Variants in EQTN observed in about 807,000 individuals in gnomAD.
EQTN encodes equatorin, also known as Acrosome formation associated factor.
A neutral mutation model predicts 26.9 loss-of-function variants in EQTN; 29 were observed. The ratio of observed to expected loss-of-function variants is 1.08; its 90% confidence interval spans 0.80 to 1.47. EQTN has a LOEUF of 1.47. EQTN is among the 40% of genes most tolerant of loss of function. The pLI, the probability that EQTN is intolerant of heterozygous loss-of-function variation, is 0.00. For missense variants in EQTN, 391 were observed against 346.1 expected, an observed-to-expected ratio of 1.13 and a Z score of -1.03; for synonymous variants, 129 against 120.0, an observed-to-expected ratio of 1.07 and a Z score of -0.49.
intron 2 of EQTN, 130 bp from the exon 3 acceptor site, chr9:27,294,532 T>A: frequency 2.2e-6 from 1 of 447,244 alleles, no homozygotes; most frequent in South Asian, 6.7e-5. Context: ...ATAGTCATTT[T>A]TTTTTCATCT....
intron 1 of EQTN, 109 bp from the exon 2 acceptor site, chr9:27,296,847 ATC>A: frequency 6.4e-7 from 1 of 1,560,158 alleles, no homozygotes; most frequent in Middle Eastern, 1.8e-4. Flanking sequence ...GAGATTTAAA[ATC>A]TAAAACATAC....
chr9:27,286,217 C>G lies in EQTN; in HGVS notation c.627G>C (p.Arg209Ser), dbSNP rs781656844. ...AFCSATLYKL[R>S]HLSYKSCESQ... ...GAGGTCTGCAGACTTACCTCAGATG[C>G]CTCAGTTTGTACAGTGTAGCACTAC... Residue 209 changes from arginine to serine, a missense_variant, in exon 7 of 8, where the codon AGG becomes AGC. By Grantham distance (110) the Arg-to-Ser change is moderately radical (BLOSUM62 -1). Transcript: ENST00000380032. 1.2e-6 allele frequency: 2 copies of G among 1,613,672 alleles called. No individual in the cohort carries two copies. Among genetic ancestry groups the G allele is most frequent in the Non-Finnish European group, 1.7e-6 (2 of 1,179,786 alleles).
rs554725081 is a variant in EQTN at position 27,289,551 on chromosome 9, T to C, written c.481+121A>G. 4.1e-5 allele frequency: 27 copies of C among 655,980 alleles called. 1 individual carries two copies. The South Asian group carries it at 6.9e-4, about 17-fold the overall frequency. The allele number at this position is 655,980 out of a possible 1,614,324, so 40.6% of individuals were successfully genotyped here. A position where few individuals can be genotyped will look rare whatever the true frequency, so the allele number is the denominator to read the frequency against. On this transcript the variant is annotated intron_variant, in intron 6 of 7. Transcript: ENST00000380032. ...TTTTGTAGAGAAAAGGTTTTTGTCA[T>C]GTTGCCCAGGCTGGTCTCGAACTCC...
chr9:27,287,353 A>G (rs1258193719), intron 6 of EQTN, among the ~76,000 whole-genome samples: 1 of 152,240 alleles, frequency 6.6e-6, no homozygotes, highest in Non-Finnish European at 1.5e-5. Flanking sequence ...TTTGGGAATA[A>G]TTAAACAAAT....
intron 3 of EQTN, among the ~76,000 whole-genome samples, chr9:27,292,908 T>C (rs13292423): frequency 0.061 from 9,233 of 152,196 alleles, 293 homozygotes; most frequent in Non-Finnish European, 0.076. Context: ...ATTAAGTGTG[T>C]TTGTAAATTG....
At chr9:27,295,220 C>T (rs1320160947) in intron 2 of EQTN, among the ~76,000 whole-genome samples, 2 of 152,078 alleles carry the variant, frequency 1.3e-5, no homozygotes, top group Non-Finnish European at 2.9e-5. Context: ...AAAAACGGTA[C>T]CATTAATATT....
intron 2 of EQTN, among the ~76,000 whole-genome samples, chr9:27,295,275 A>G (rs941533820): frequency 1.3e-5 from 2 of 152,168 alleles, no homozygotes; most frequent in Non-Finnish European, 2.9e-5. Context: ...TGGAAAAATA[A>G]AACAAAGTCA....
At position 27,284,787 on chromosome 9, in the gene EQTN, G is replaced by T. The variant is rs41305329; in HGVS notation, c.821C>A (p.Thr274Lys). ...ATCTGAGCCTATGGAAATGATATCC[G>T]TCATTATCTTAGATTCTGATGTTCT... ...GTRTSESKIM[T>K]DIISIGSDNE... is the part of the protein sequence containing the mutation. Residue 274 changes from threonine to lysine, a missense_variant, in exon 8 of 8, where the codon ACG becomes AAG. By Grantham distance (78) the Thr-to-Lys change is moderately conservative. Transcript: ENST00000380032. 37,040 of 1,613,872 alleles carry T rather than the reference G, an allele frequency of 0.023. 719 individuals carry two copies. Among genetic ancestry groups the T allele is most frequent in the East Asian group, 0.032 (1,454 of 44,852 alleles).
At chr9:27,289,369 G>A (rs1820182390) in intron 6 of EQTN, among the ~76,000 whole-genome samples, 3 of 152,120 alleles carry the variant, frequency 2.0e-5, no homozygotes, top group African/African-American at 7.2e-5. Context: ...GACTTCACTA[G>A]GAAAAATATT....
intron 6 of EQTN, among the ~76,000 whole-genome samples, chr9:27,288,844 G>C (rs537185629): frequency 6.6e-6 from 1 of 152,268 alleles, no homozygotes; most frequent in South Asian, 2.1e-4. Context: ...GGTTTTCAGG[G>C]GTTCAGGAGG....
chr9:27,289,260 G>C (rs1459807239), intron 6 of EQTN, among the ~76,000 whole-genome samples: 1 of 152,148 alleles, frequency 6.6e-6, no homozygotes, highest in Admixed American at 6.5e-5. Flanking sequence ...GGTGGTAATG[G>C]TCATGTGGGA....
rs145758218 is a variant in EQTN, at chr9:27,284,886, G to A, written c.722C>T (p.Thr241Ile). Reference sequence around the variant, plus strand: ...GCTCTCTGCACTCTTGGAAAAGGATGTATCTGAAACACCTTCTGATGGATG... The same window carrying A: ...GCTCTCTGCACTCTTGGAAAAGGATATATCTGAAACACCTTCTGATGGATG... ...YFHPSEGVSD[T>I]SFSKSAESST... The change falls in exon 8 of 8, where the codon ACA becomes ATA. Residue 241 changes from threonine to isoleucine, a missense_variant. Transcript: ENST00000380032. 3.1e-6 allele frequency: 5 copies of A among 1,614,126 alleles called. No homozygotes were observed. Among genetic ancestry groups the A allele is most frequent in the Non-Finnish European group, 3.4e-6 (4 of 1,180,006 alleles).
chr9:27,291,680 C>A (rs1820237702), intron 4 of EQTN, among the ~76,000 whole-genome samples: 1 of 152,060 alleles, frequency 6.6e-6, no homozygotes, highest in African/African-American at 2.4e-5. Context: ...AGGGGAATAC[C>A]AGGATGATCA....
intron 6 of EQTN, 94 bp downstream of exon 6, chr9:27,289,577 TG>T: frequency 9.8e-7 from 1 of 1,017,562 alleles, no homozygotes; most frequent in Non-Finnish European, 1.4e-6. Context: ...CTCGAACTCC[TG>T]GACTCAAGCG....
At chr9:27,288,362 C>T (rs1820161897) in intron 6 of EQTN, among the ~76,000 whole-genome samples, 1 of 152,010 alleles carries the variant, frequency 6.6e-6, no homozygotes, top group African/African-American at 2.4e-5. Flanking sequence ...GTGAGAATTC[C>T]AAAAATACTT....
chr9:27,294,497 T>C, intron 2 of EQTN, 95 bp from the exon 3 acceptor site: 1 of 574,354 alleles, frequency 1.7e-6, no homozygotes, highest in Non-Finnish European at 2.9e-6. Flanking sequence ...AAACATGCAC[T>C]AATTAAAAAA....
At chr9:27,288,329 A>G (rs1820161420) in intron 6 of EQTN, among the ~76,000 whole-genome samples, 1 of 152,180 alleles carries the variant, frequency 6.6e-6, no homozygotes, top group Non-Finnish European at 1.5e-5. Flanking sequence ...CTATCCAGCA[A>G]CAGGAGCTCA....
chr9:27,285,073 C>G (rs965835376), intron 7 of EQTN, 101 bp from the exon 8 acceptor site: 22 of 1,018,094 alleles, frequency 2.2e-5, no homozygotes, highest in Admixed American at 1.1e-4. Flanking sequence ...CGAATTTTGC[C>G]CAAAGTGTTA....
chr9:27,286,434 G>A (rs1563830608), intron 6 of EQTN, 72 bp from the exon 7 acceptor site: 10 of 1,449,512 alleles, frequency 6.9e-6, no homozygotes, highest in Admixed American at 6.1e-5. Flanking sequence ...AGATTGCAAA[G>A]CAAATACAGA....
Sources: allele counts gnomAD v4.1 joint callset (sites outside exome capture counted in the v4.1 genomes callset), GRCh38; gene constraint gnomAD v4.1.1; transcripts MANE v1.5; gene names NCBI Gene and HGNC (gene_info 2026-07-23, HGNC 2026-07-21).